The following LPAR6 variants were observed in gnomAD, a reference collection of about 807,000 sequenced individuals.
The protein encoded by LPAR6 is lysophosphatidic acid receptor 6, also known as G-protein coupled purinergic receptor P2Y5.
In LPAR6, 17 loss-of-function variants were observed where a neutral mutation model predicts 22.0. The ratio of observed to expected loss-of-function variants is 0.77; its 90% CI spans 0.53 to 1.16. LPAR6 has a LOEUF of 1.16. Among genes scored for constraint, LPAR6 ranks in the 50% most tolerant of loss-of-function variants. LPAR6 has a pLI of 0.00. For synonymous variants in LPAR6, 136 were observed against 139.8 expected (o/e 0.97, Z 0.19); for missense variants, 384 against 406.9 (o/e 0.94, Z 0.48).
chr13:48,408,592 G>A (rs1164129968), downstream of LPAR6: 1 of 151,982 alleles, frequency 6.6e-6, no homozygotes, highest in East Asian at 1.9e-4. Context: ...AAGGGGGAAG[G>A]GAAGAGAAAA....
At chr13:48,389,970 T>C (rs763971149) in intron 1 of LPAR6, among the ~76,000 whole-genome samples, 29 of 152,186 alleles carry the variant, frequency 1.9e-4, no homozygotes, top group South Asian at 1.2e-3. Flanking sequence ...CTTGGCAACA[T>C]AGGGAGACCC....
At chr13:48,392,364 G>C (rs771177410) in intron 1 of LPAR6, among the ~76,000 whole-genome samples, 4 of 151,984 alleles carry the variant, frequency 2.6e-5, no homozygotes, top group African/African-American at 9.7e-5. Flanking sequence ...ACCCACCTTG[G>C]CTTCCCAAAG....
chr13:48,390,083 GC>G (rs1948599836), intron 1 of LPAR6, among the ~76,000 whole-genome samples: 1 of 152,090 alleles, frequency 6.6e-6, no homozygotes, highest in Admixed American at 6.5e-5. Flanking sequence ...GGATGTTAAG[GC>G]TGCAGTGAGC....
At position 48,426,065 on chromosome 13, in the gene LPAR6, G is replaced by GT. The variant is rs548135727; in HGVS notation, c.-1095+793dup. Among the ~76,000 whole-genome samples the GT allele has an allele frequency of 7.2e-3, 1,089 of 152,280 alleles. 10 individuals are homozygous for GT. The highest frequency in any genetic ancestry group is 0.011 in the South Asian group (54 of 4,824). ...TGCATAAAGGATAATAGAAAGCACT[G>GT]TGACCTAGAGATCCAGAATCCTTGA... On this transcript the variant is annotated intron_variant, in intron 1 of 4. Coordinates refer to the LPAR6 transcript ENST00000345941.
intron 1 of LPAR6, among the ~76,000 whole-genome samples, chr13:48,393,770 T>C (rs769775814): frequency 1.3e-5 from 2 of 152,006 alleles, no homozygotes; most frequent in African/African-American, 2.4e-5. Context: ...AACTATTTTT[T>C]TGTATTAAAT....
chr13:48,399,307 G>A (rs1042965197), intron 1 of LPAR6, among the ~76,000 whole-genome samples: 2 of 151,616 alleles, frequency 1.3e-5, no homozygotes, highest in African/African-American at 2.4e-5. Flanking sequence ...AAAATGTAAC[G>A]ACAAAGAAGG....
In LPAR6 at chr13:48,412,714, A is replaced by T. The variant is rs1948838249; in HGVS notation, c.-291T>A. On this transcript the variant is annotated 5_prime_UTR_variant, in exon 1 of 1. Coordinates refer to ENST00000620633, the MANE Select transcript of LPAR6 (RefSeq NM_001162498.3). Reference sequence around the variant, plus strand: ...CTGACGAGCAACCTTTAAAAAATACAGTCAACGAGTCCAACCCATAGGATT... The same window carrying T: ...CTGACGAGCAACCTTTAAAAAATACTGTCAACGAGTCCAACCCATAGGATT... 1 of 457,256 alleles carries T rather than the reference A, an allele frequency of 2.2e-6. No homozygotes were observed. The highest frequency in any genetic ancestry group is 4.6e-5 in the East Asian group (1 of 21,578). 28.3% of individuals were successfully genotyped at this position (457,256 alleles called of 1,614,324 possible).
chr13:48,422,848 T>C (rs917282713), intron 1 of LPAR6: 1 of 152,082 alleles, frequency 6.6e-6, no homozygotes, highest in African/African-American at 2.4e-5. Flanking sequence ...ATTCAAAATA[T>C]AGTGAATCTT....
At chr13:48,392,370 C>CA (rs1948617540) in intron 1 of LPAR6, among the ~76,000 whole-genome samples, 1 of 152,196 alleles carries the variant, frequency 6.6e-6, no homozygotes, top group Non-Finnish European at 1.5e-5. Flanking sequence ...CTTGGCTTCC[C>CA]AAAGTGCTGG....
At chr13:48,420,504 C>T (rs1566218267) in intron 2 of LPAR6, among the ~76,000 whole-genome samples, 1 of 152,256 alleles carries the variant, frequency 6.6e-6, no homozygotes, top group East Asian at 1.9e-4. Context: ...TCTCACCACT[C>T]CTATTCAACA....
upstream of LPAR6, among the ~76,000 whole-genome samples, chr13:48,415,499 G>T (rs1948893958): frequency 6.6e-6 from 1 of 151,968 alleles, no homozygotes; most frequent in Non-Finnish European, 1.5e-5. Flanking sequence ...GGCTGGTCTT[G>T]AACTCCTGAC....
At chr13:48,432,633 C>A (rs904638624) in intron 1 of LPAR6, among the ~76,000 whole-genome samples, 1 of 152,140 alleles carries the variant, frequency 6.6e-6, no homozygotes, top group Non-Finnish European at 1.5e-5. Context: ...AGAGACTGAA[C>A]TTTCTTCTCC....
intron 1 of LPAR6, among the ~76,000 whole-genome samples, chr13:48,432,832 T>G (rs1239242663): frequency 6.6e-6 from 1 of 152,114 alleles, no homozygotes; most frequent in Non-Finnish European, 1.5e-5. Flanking sequence ...TGAAAAGCAA[T>G]TATAAGAGAC....
At chr13:48,398,937 C>T (rs1429928321) in intron 1 of LPAR6, among the ~76,000 whole-genome samples, 1 of 152,068 alleles carries the variant, frequency 6.6e-6, no homozygotes, top group Non-Finnish European at 1.5e-5. Flanking sequence ...CTCCTTTGTG[C>T]AGTGCACTGT....
At chr13:48,415,403 C>T (rs1489900066), upstream of LPAR6, among the ~76,000 whole-genome samples, 2 of 151,908 alleles carry the variant, frequency 1.3e-5, no homozygotes, top group Non-Finnish European at 2.9e-5. Context: ...CCTCAGCCTC[C>T]CGAGTAGCTG....
chr13:48,431,864 T>A (rs1404266243), upstream of LPAR6, among the ~76,000 whole-genome samples: 1 of 152,232 alleles, frequency 6.6e-6, no homozygotes, highest in Non-Finnish European at 1.5e-5. Context: ...GCTTATGTTG[T>A]CTTCATCTCT....
At chr13:48,390,539 G>A (rs1243176672) in intron 1 of LPAR6, among the ~76,000 whole-genome samples, 2 of 152,210 alleles carry the variant, frequency 1.3e-5, no homozygotes, top group African/African-American at 4.8e-5. Context: ...GGGACTAAAT[G>A]GGGCAGAGGG....
In LPAR6 at chr13:48,421,611, C is replaced by G. The variant is rs907924725; in HGVS notation, c.-954+1039G>C. ...CAGAATGGGAGAAAATTTTTGCGATCTATCCATCTGACAAAGGGCTAAAGT... is the reference window on the plus strand; with the variant it reads ...CAGAATGGGAGAAAATTTTTGCGATGTATCCATCTGACAAAGGGCTAAAGT... On this transcript the variant is annotated intron_variant, in intron 2 of 4. Transcript: ENST00000345941. Among the ~76,000 whole-genome samples, 9 of 152,136 alleles carry G rather than the reference C, an allele frequency of 5.9e-5. No homozygotes were observed. In the South Asian group the frequency reaches 6.2e-4, roughly 11 times the overall value.
chr13:48,421,752 C>A (rs902219036), intron 2 of LPAR6, among the ~76,000 whole-genome samples: 1 of 152,108 alleles, frequency 6.6e-6, no homozygotes, highest in African/African-American at 2.4e-5. Flanking sequence ...ATGTGGCCAA[C>A]AAGCATATGA....
Sources: gnomAD v4.1 joint callset for allele counts (sites outside exome capture counted in the v4.1 genomes callset) on GRCh38, gnomAD v4.1.1 for gene constraint, MANE v1.5 for transcripts, NCBI Gene and HGNC (gene_info 2026-07-23, HGNC 2026-07-21) for gene names.